The following ST6GAL1 variants were observed in gnomAD, a reference collection of about 807,000 sequenced individuals.
The protein encoded by ST6GAL1 is beta-galactoside alpha-2,6-sialyltransferase 1.
In ST6GAL1, 20 loss-of-function variants were observed where a neutral mutation model predicts 38.0. That is an observed-to-expected ratio of 0.53 (90% CI 0.37 to 0.77). The LOEUF is 0.77. Among genes scored for constraint, ST6GAL1 ranks in the 30% least tolerant of loss-of-function variants. ST6GAL1 has a pLI of 0.00. For synonymous variants in ST6GAL1, 196 were observed against 188.2 expected (o/e 1.04, Z -0.34); for missense variants, 432 against 496.4 (o/e 0.87, Z 1.23).
At chr3:187,056,673 T>C (rs1226417655) in intron 5 of ST6GAL1, among the ~76,000 whole-genome samples, 1 of 152,218 alleles carries the variant, frequency 6.6e-6, no homozygotes, top group Non-Finnish European at 1.5e-5. Context: ...AGAGATCTGC[T>C]GTTAGTCTGA....
intron 4 of ST6GAL1, among the ~76,000 whole-genome samples, chr3:187,044,369 C>G (rs943876472): frequency 6.6e-6 from 1 of 152,068 alleles, no homozygotes; most frequent in South Asian, 2.1e-4. Flanking sequence ...ATTTGACTGC[C>G]AGGAAAAATG....
At chr3:187,066,229 G>A (rs73055072) in intron 5 of ST6GAL1, among the ~76,000 whole-genome samples, 1,536 of 152,106 alleles carry the variant, frequency 0.01, 28 homozygotes, top group African/African-American at 0.035. Flanking sequence ...TGAGTTCTGG[G>A]GCTTCTTGAT....
intron 1 of ST6GAL1, among the ~76,000 whole-genome samples, chr3:186,941,410 A>C (rs1462682852): frequency 6.6e-6 from 1 of 152,190 alleles, no homozygotes; most frequent in Non-Finnish European, 1.5e-5. Flanking sequence ...GCACACCCAG[A>C]AATTGGCTAC....
rs1301003326 is a variant in ST6GAL1 at position 186,976,630 on chromosome 3, A to G, written c.-183+12704A>G. On this transcript the variant is annotated intron_variant, in intron 2 of 7. Transcript: ENST00000169298. ...TTTTTGGTAGAGACAGGGTTTCACC[A>G]TGTTAGCCAGGCTGGCCTCAAACTC... is the stretch of plus-strand genomic sequence containing the variant. Among the ~76,000 whole-genome samples the G allele has an allele frequency of 2.6e-5, 4 of 152,272 alleles. No individual in the cohort carries two copies. The South Asian group carries it at 8.3e-4, about 32-fold the overall frequency.
At chr3:187,016,075 G>C (rs1030905038) in intron 2 of ST6GAL1, among the ~76,000 whole-genome samples, 2 of 152,120 alleles carry the variant, frequency 1.3e-5, no homozygotes, top group Non-Finnish European at 2.9e-5. Flanking sequence ...GAACCCCCTA[G>C]GAGGCAATCA....
At chr3:186,974,140 A>G (rs891759482) in intron 2 of ST6GAL1, among the ~76,000 whole-genome samples, 2 of 152,120 alleles carry the variant, frequency 1.3e-5, no homozygotes, top group Admixed American at 1.3e-4. Context: ...GCCACTGGAG[A>G]GGCCAGTGTG....
chr3:187,040,771 A>C (rs950834116), intron 3 of ST6GAL1, among the ~76,000 whole-genome samples: 1 of 152,178 alleles, frequency 6.6e-6, no homozygotes, highest in African/African-American at 2.4e-5. Context: ...TCCACCCTTC[A>C]CTTCATGATC....
At chr3:187,043,602 G>A (rs1360664188) in intron 4 of ST6GAL1, 1 of 205,582 alleles carries the variant, frequency 4.9e-6, no homozygotes, top group Non-Finnish European at 9.8e-6. Context: ...TATTCAATGT[G>A]TAATGATCCA....
At chr3:186,968,446 A>T (rs4686822) in intron 2 of ST6GAL1, among the ~76,000 whole-genome samples, 36,803 of 152,024 alleles carry the variant, frequency 0.24, 4,921 homozygotes, top group East Asian at 0.47. Context: ...CGGTCATGAA[A>T]CTATCCCCAC....
chr3:187,039,686 C>T (rs1718063030), intron 3 of ST6GAL1, among the ~76,000 whole-genome samples: 1 of 152,218 alleles, frequency 6.6e-6, no homozygotes, highest in Admixed American at 6.5e-5. Context: ...GTTTGCTACT[C>T]TTTTCCCTCG....
In ST6GAL1 at chr3:187,075,896, C is replaced by T; in HGVS notation, c.*93C>T. On this transcript the variant is annotated 3_prime_UTR_variant, in exon 8 of 8. Coordinates refer to ENST00000169298, the MANE Select transcript of ST6GAL1 (RefSeq NM_173216.2). This position sits in a 1 kb window ranked among gnomAD's most constrained non-coding sequence, Gnocchi z 4.1. ...AGAACATTTTCCTGAACAATTCCAG[C>T]CTGCTCCTTTTACTCTAGGGGCCTC... is the stretch of plus-strand genomic sequence containing the variant. 6.5e-7 allele frequency: 1 copy of T among 1,546,306 alleles called. No individual in the cohort carries two copies. Among genetic ancestry groups the T allele is most frequent in the Non-Finnish European group, 8.7e-7 (1 of 1,147,438 alleles).
intron 2 of ST6GAL1, among the ~76,000 whole-genome samples, chr3:187,034,220 C>T (rs1414623916): frequency 1.3e-5 from 2 of 152,024 alleles, no homozygotes; most frequent in Non-Finnish European, 2.9e-5. Flanking sequence ...GAAATTGAAA[C>T]CTGAACAGAC....
intron 1 of ST6GAL1, among the ~76,000 whole-genome samples, chr3:186,948,296 C>A (rs78117380): frequency 0.13 from 20,226 of 152,198 alleles, 1,555 homozygotes; most frequent in South Asian, 0.25. Flanking sequence ...ATAGGGTTGT[C>A]AGGGGACTTC....
At chr3:187,068,979 C>T (rs1719267552) in intron 5 of ST6GAL1, among the ~76,000 whole-genome samples, 2 of 152,196 alleles carry the variant, frequency 1.3e-5, no homozygotes, top group Non-Finnish European at 1.5e-5. Context: ...CTGCTCTGCC[C>T]TTGGACTATA....
chr3:187,074,474 C>A, intron 7 of ST6GAL1, 141 bp downstream of exon 7: 2 of 879,820 alleles, frequency 2.3e-6, no homozygotes, highest in Non-Finnish European at 3.2e-6. Flanking sequence ...GTAGACCATG[C>A]CAAGTTCTAT....
intron 2 of ST6GAL1, among the ~76,000 whole-genome samples, chr3:186,967,930 C>T (rs138931734): frequency 3.3e-5 from 5 of 152,294 alleles, no homozygotes; most frequent in Admixed American, 2.0e-4. Flanking sequence ...CCATCTGGCC[C>T]GGGATGGGCT....
At chr3:187,036,629 T>G (rs917412985) in intron 2 of ST6GAL1, among the ~76,000 whole-genome samples, 4 of 152,218 alleles carry the variant, frequency 2.6e-5, no homozygotes, top group Non-Finnish European at 5.9e-5. Context: ...GCCATTATCC[T>G]AAGCAAATTA....
At chr3:186,999,983 G>A (rs953676436) in intron 2 of ST6GAL1, among the ~76,000 whole-genome samples, 14 of 152,154 alleles carry the variant, frequency 9.2e-5, no homozygotes, top group East Asian at 3.9e-4. Flanking sequence ...GACTATAGGC[G>A]TGCACTATCA....
At chr3:186,985,341 G>T (rs1203978407) in intron 2 of ST6GAL1, among the ~76,000 whole-genome samples, 3 of 152,070 alleles carry the variant, frequency 2.0e-5, no homozygotes, top group Non-Finnish European at 4.4e-5. Flanking sequence ...AACTCTAAGG[G>T]TGTTGATCTT....
Sources: gnomAD v4.1 joint callset for allele counts (sites outside exome capture counted in the v4.1 genomes callset) on GRCh38, gnomAD v4.1.1 for gene constraint, Gnocchi (gnomAD v3.1) non-coding constraint, MANE v1.5 for transcripts, NCBI Gene and HGNC (gene_info 2026-07-23, HGNC 2026-07-21) for gene names.